Variants in OSBPL9 observed in about 807,000 individuals in gnomAD.
OSBPL9 encodes oxysterol binding protein like 9.
OSBPL9 carries 40 observed loss-of-function variants against 106.6 expected under a neutral mutation model. The ratio of observed to expected loss-of-function variants is 0.38; its 90% confidence interval spans 0.29 to 0.49. OSBPL9 has a LOEUF of 0.49. OSBPL9 is among the 20% of genes least tolerant of loss of function. The pLI, the probability that OSBPL9 is intolerant of heterozygous loss-of-function variation, is 0.97. For synonymous variants in OSBPL9, 269 were observed against 295.4 expected (o/e 0.91, Z 0.92); for missense variants, 609 against 887.2 (o/e 0.69, Z 3.98).
chr1:51,709,775 G>A (rs1191310979), intron 3 of OSBPL9: 1 of 152,516 alleles, frequency 6.6e-6, no homozygotes, highest in African/African-American at 2.4e-5. Context: ...GGATGGTGAT[G>A]CAGTCCAGGT....
chr1:51,721,871 G>A (rs1662194526), intron 4 of OSBPL9, among the ~76,000 whole-genome samples: 1 of 152,162 alleles, frequency 6.6e-6, no homozygotes, highest in African/African-American at 2.4e-5. Flanking sequence ...GTTAAATAGT[G>A]CATGCTCAAT....
chr1:51,717,648 G>A (rs1444359766), intron 4 of OSBPL9, among the ~76,000 whole-genome samples: 1 of 149,708 alleles, frequency 6.7e-6, no homozygotes, highest in Non-Finnish European at 1.5e-5. Context: ...ACTACAATGA[G>A]ATATCATTTC....
intron 3 of OSBPL9, among the ~76,000 whole-genome samples, chr1:51,673,502 A>G (rs1165090101): frequency 1.3e-5 from 2 of 152,236 alleles, no homozygotes; most frequent in East Asian, 3.8e-4. Context: ...TGATGATGCA[A>G]GAGAGAAAGG....
upstream of OSBPL9, among the ~76,000 whole-genome samples, chr1:51,616,436 G>C (rs956947807): frequency 6.6e-6 from 1 of 152,058 alleles, no homozygotes; most frequent in Non-Finnish European, 1.5e-5. Flanking sequence ...CTAACATTTG[G>C]TCTTTGCATT....
At chr1:51,718,819 A>C (rs1380184859) in intron 4 of OSBPL9, among the ~76,000 whole-genome samples, 1 of 152,190 alleles carries the variant, frequency 6.6e-6, no homozygotes, top group Non-Finnish European at 1.5e-5. Context: ...CTTCTTCAAC[A>C]GTTCTTAGTG....
Position 51,649,565 on chromosome 1 carries a change from T to C in OSBPL9, c.112-2426T>C, listed in dbSNP as rs566872384. Among the ~76,000 whole-genome samples, 219 of 152,258 alleles carry C rather than the reference T, an allele frequency of 1.4e-3. 2 individuals carry two copies. The highest frequency in any genetic ancestry group is 5.1e-3 in the African/African-American group (213 of 41,566). ...CCTTTCCCCCACTACCTTCCCTTTCTTTTTATCAGATTTCTTTTTTCTTTC... is the reference window on the plus strand; with the variant it reads ...CCTTTCCCCCACTACCTTCCCTTTCCTTTTATCAGATTTCTTTTTTCTTTC... On this transcript the variant is annotated intron_variant, in intron 1 of 23. Transcript: ENST00000428468.
At chr1:51,584,056 A>G (rs562680145) in intron 1 of OSBPL9, among the ~76,000 whole-genome samples, 58 of 151,974 alleles carry the variant, frequency 3.8e-4, no homozygotes, top group African/African-American at 1.2e-3. Flanking sequence ...GGGTCTTGCT[A>G]TATCACTCAG....
chr1:51,530,536 G>A, the OSBPL9 span, among the ~76,000 whole-genome samples: 5 of 151,934 alleles, frequency 3.3e-5, no homozygotes, highest in African/African-American at 1.2e-4. Context: ...AGAATACCTT[G>A]AAGCCAAGGA....
intron 4 of OSBPL9, among the ~76,000 whole-genome samples, chr1:51,740,947 G>A (rs537047472): frequency 3.4e-4 from 51 of 152,178 alleles, no homozygotes; most frequent in Non-Finnish European, 4.4e-4. Context: ...TCTCTCCAAA[G>A]CAACTATAAT....
intron 4 of OSBPL9, chr1:51,740,227 G>A (rs1056036330): frequency 2.6e-6 from 4 of 1,530,132 alleles, no homozygotes; most frequent in Non-Finnish European, 3.5e-6. Context: ...TGATTGAATT[G>A]TAAGTATGCT....
chr1:51,658,112 A>T (rs978881265), intron 2 of OSBPL9, among the ~76,000 whole-genome samples: 1 of 139,092 alleles, frequency 7.2e-6, no homozygotes, highest in Non-Finnish European at 1.5e-5. Flanking sequence ...TGTCTCAAAG[A>T]AAAAAAAAAA....
the OSBPL9 span, among the ~76,000 whole-genome samples, chr1:51,534,311 T>C: frequency 7.9e-5 from 12 of 152,208 alleles, no homozygotes; most frequent in African/African-American, 2.9e-4. Flanking sequence ...TTAAGTCATA[T>C]TAGGGAAGTT....
At chr1:51,728,490 TAGG>T (rs1663540718) in intron 4 of OSBPL9, among the ~76,000 whole-genome samples, 2 of 152,180 alleles carry the variant, frequency 1.3e-5, no homozygotes, top group Admixed American at 1.3e-4. Context: ...GGAGGACTAC[TAGG>T]TTTATGGTTT....
At chr1:51,740,813 C>T (rs189866223) in intron 4 of OSBPL9, among the ~76,000 whole-genome samples, 13 of 152,232 alleles carry the variant, frequency 8.5e-5, no homozygotes, top group Admixed American at 8.5e-4. Context: ...TTTCCGGATT[C>T]TGGACTCAAG....
chr1:51,788,680 C>CCAA lies in OSBPL9; in HGVS notation c.*894_*896dup, dbSNP rs771075501. On this transcript the variant is annotated 3_prime_UTR_variant, in exon 24 of 24. Coordinates refer to ENST00000428468, the MANE Select transcript of OSBPL9 (RefSeq NM_024586.6). ...CATATTGCACATGTAGGGCTGCCTA[C>CCAA]CAACATTTTATCCAAAAATGTTTTA... 3.9e-5 allele frequency among the ~76,000 whole-genome samples: 6 copies of CCAA among 152,120 alleles called. No homozygotes were observed. The highest frequency in any genetic ancestry group is 7.4e-5 in the Non-Finnish European group (5 of 68,018).
rs908127074 is a variant in OSBPL9, at chr1:51,725,903, TCA to T, written c.318+11825_318+11826del. On this transcript the variant is annotated intron_variant, in intron 4 of 23. Coordinates refer to ENST00000428468, the MANE Select transcript of OSBPL9 (RefSeq NM_024586.6). ...CTTCCACCAATTTGTCAAATACAGA[TCA>T]GGTTTCCCTACCACCCGTGCAGTTG... 3.3e-4 allele frequency among the ~76,000 whole-genome samples: 51 copies of T among 152,276 alleles called. 1 individual carries two copies. The highest frequency in any genetic ancestry group is 1.2e-3 in the African/African-American group (50 of 41,554).
intron 3 of OSBPL9, among the ~76,000 whole-genome samples, chr1:51,705,305 C>CTT (rs1381736208): frequency 8.1e-6 from 1 of 123,176 alleles, no homozygotes; most frequent in East Asian, 2.6e-4. Context: ...GGCTTTTATT[C>CTT]TTTTTGATAC....
rs1674079701 is a variant in OSBPL9 at position 51,772,269 on chromosome 1, T to C, written c.1051+87T>C. ...GGCTCATGCCGTAATCCCAGCACTT[T>C]GGGAGACCGAGGTGGGCAGATCACT... On this transcript the variant is annotated intron_variant, in intron 13 of 23. Coordinates refer to ENST00000428468, the MANE Select transcript of OSBPL9 (RefSeq NM_024586.6). The C allele has an allele frequency of 6.3e-6, 7 of 1,116,320 alleles. No homozygotes were observed. In the East Asian group the frequency reaches 1.3e-4, roughly 21 times the overall value. 69.2% of individuals were successfully genotyped at this position (1,116,320 alleles called of 1,614,324 possible). A position where few individuals can be genotyped will look rare whatever the true frequency, so the allele number is the denominator to read the frequency against.
chr1:51,712,395 AGAGAGGGAGACCGTGGGGAGAGG>A (rs1660252131), intron 3 of OSBPL9, among the ~76,000 whole-genome samples: 2 of 151,882 alleles, frequency 1.3e-5, no homozygotes, highest in South Asian at 4.1e-4. Context: ...GACCGTGGAA[AGAGAGGGAGACCGTGGGGAGAGG>A]GAGAGGGAGA....
Sources: gnomAD v4.1 joint callset for allele counts (sites outside exome capture counted in the v4.1 genomes callset) on GRCh38, gnomAD v4.1.1 for gene constraint, MANE v1.5 for transcripts, NCBI Gene and HGNC (gene_info 2026-07-23, HGNC 2026-07-21) for gene names.